Variants in NDUFA10 observed in about 807,000 individuals in gnomAD.
NDUFA10 encodes NADH:ubiquinone oxidoreductase subunit A10.
A neutral mutation model predicts 47.8 loss-of-function variants in NDUFA10; 40 were observed. The observed-to-expected ratio is 0.84, with a 90% CI of 0.65 to 1.09. The LOEUF is 1.09. NDUFA10 is among the 50% of genes least tolerant of loss of function. NDUFA10 has a pLI of 0.00. For synonymous variants in NDUFA10, 183 were observed against 172.2 expected (o/e 1.06, Z -0.49); for missense variants, 413 against 451.1 (o/e 0.92, Z 0.76).
At chr2:239,964,276 AAGG>A (rs978907271) in intron 9 of NDUFA10, among the ~76,000 whole-genome samples, 3 of 152,024 alleles carry the variant, frequency 2.0e-5, no homozygotes, top group African/African-American at 7.2e-5. Context: ...GAAATCAGAG[AAGG>A]AGATGTGACA....
chr2:240,022,665 T>C (rs1196196855), intron 1 of NDUFA10, among the ~76,000 whole-genome samples: 1 of 151,986 alleles, frequency 6.6e-6, no homozygotes, highest in East Asian at 1.9e-4. Context: ...GATGGATGGA[T>C]GGACGGACAG....
intron 9 of NDUFA10, among the ~76,000 whole-genome samples, chr2:239,978,972 T>C (rs918569148): frequency 5.9e-5 from 9 of 152,170 alleles, no homozygotes; most frequent in African/African-American, 2.2e-4. Flanking sequence ...GCTCTTTTCA[T>C]GTGAAAGTTA....
At chr2:239,984,364 G>A (rs561573520) in intron 9 of NDUFA10, among the ~76,000 whole-genome samples, 7 of 152,276 alleles carry the variant, frequency 4.6e-5, no homozygotes, top group African/African-American at 9.6e-5. Context: ...CACTACTACC[G>A]TCACGGTTTT....
At chr2:239,940,523 T>C (rs1351170665) in intron 4 of NDUFA10, among the ~76,000 whole-genome samples, 1 of 152,258 alleles carries the variant, frequency 6.6e-6, no homozygotes, top group Non-Finnish European at 1.5e-5. Context: ...TATTCTTTGA[T>C]AAATTTCTCC....
intron 4 of NDUFA10, among the ~76,000 whole-genome samples, chr2:239,946,348 G>C (rs903739522): frequency 1.3e-5 from 2 of 152,210 alleles, no homozygotes; most frequent in East Asian, 3.9e-4. Flanking sequence ...CCGAAGGGTA[G>C]TGTGTTACTA....
intron 4 of NDUFA10, among the ~76,000 whole-genome samples, chr2:239,903,288 G>A (rs771102203): frequency 4.6e-5 from 7 of 152,226 alleles, no homozygotes; most frequent in African/African-American, 1.7e-4. Context: ...TGTGGCCACA[G>A]AACGTCAGCA....
Position 239,960,733 on chromosome 2 carries a change from G to C in NDUFA10, c.*385C>G. On this transcript the variant is annotated 3_prime_UTR_variant, in exon 10 of 10. Transcript: ENST00000252711. ...CCCGCACGCACATAGACGTACGATG[G>C]GGAAATTCCCATGGAAACACTTTTA... 8.4e-7 allele frequency: 1 copy of C among 1,189,820 alleles called. No homozygotes were observed. The highest frequency in any genetic ancestry group is 1.1e-6 in the Non-Finnish European group (1 of 944,112). 73.7% of individuals were successfully genotyped at this position (1,189,820 alleles called of 1,614,324 possible). A position where few individuals can be genotyped will look rare whatever the true frequency, so the allele number is the denominator to read the frequency against.
intron 4 of NDUFA10, among the ~76,000 whole-genome samples, chr2:239,937,870 C>T (rs894949659): frequency 6.6e-6 from 1 of 152,184 alleles, no homozygotes; most frequent in East Asian, 1.9e-4. Context: ...GGAAGCCCGA[C>T]TTTAATTGTA....
At chr2:239,997,379 T>A (rs1260581820) in intron 8 of NDUFA10, among the ~76,000 whole-genome samples, 1 of 152,152 alleles carries the variant, frequency 6.6e-6, no homozygotes, top group African/African-American at 2.4e-5. Flanking sequence ...AATAAAAATA[T>A]AAATTGAAGT....
chr2:240,014,918 ACACACTC>A, intron 4 of NDUFA10, 58 bp from the exon 5 acceptor site: 1 of 1,611,838 alleles, frequency 6.2e-7, no homozygotes, highest in East Asian at 2.2e-5. Context: ...GGTTTCCAAA[ACACACTC>A]CTCCTTGAAT....
Position 239,959,569 on chromosome 2 carries a change from C to T in NDUFA10, c.*1549G>A, listed in dbSNP as rs559570999. 3.3e-5 allele frequency: 33 copies of T among 985,440 alleles called. No individual in the cohort carries two copies. In the South Asian group the frequency reaches 1.3e-3, roughly 38 times the overall value. The allele number at this position is 985,440 out of a possible 1,614,324, so 61.0% of individuals were successfully genotyped here. A position where few individuals can be genotyped will look rare whatever the true frequency, so the allele number is the denominator to read the frequency against. ...TGCAAAACTTCAGCCACTTAAATCTCGACTCCAATTCAAAACTCCTGGGAA... is the reference window on the plus strand; with the variant it reads ...TGCAAAACTTCAGCCACTTAAATCTTGACTCCAATTCAAAACTCCTGGGAA... On this transcript the variant is annotated 3_prime_UTR_variant, in exon 10 of 10. Transcript: ENST00000252711.
chr2:240,011,551 T>C (rs1486603751), intron 6 of NDUFA10, 66 bp downstream of exon 6: 12 of 1,279,224 alleles, frequency 9.4e-6, no homozygotes, highest in Non-Finnish European at 1.4e-5. Context: ...CCCTGGGCTG[T>C]TGGGGCCTAA....
intron 4 of NDUFA10, among the ~76,000 whole-genome samples, chr2:239,938,954 G>A (rs932946441): frequency 2.6e-5 from 4 of 152,168 alleles, no homozygotes; most frequent in African/African-American, 9.7e-5. Flanking sequence ...AACATTCCTC[G>A]GCGGAAAGAC....
chr2:239,898,891 G>A (rs1011785274), intron 4 of NDUFA10, among the ~76,000 whole-genome samples: 1 of 152,138 alleles, frequency 6.6e-6, no homozygotes, highest in African/African-American at 2.4e-5. Context: ...ACATGTAAAG[G>A]GGTGTGAAGG....
chr2:239,901,342 G>A (rs1292770703), intron 4 of NDUFA10, among the ~76,000 whole-genome samples: 1 of 152,158 alleles, frequency 6.6e-6, no homozygotes, highest in Non-Finnish European at 1.5e-5. Flanking sequence ...CTGGGTGACA[G>A]AGTGAGACCT....
chr2:239,996,277 T>G (rs577630210), intron 8 of NDUFA10, among the ~76,000 whole-genome samples: 2 of 152,110 alleles, frequency 1.3e-5, no homozygotes, highest in East Asian at 3.9e-4. Context: ...CTAATCAAGA[T>G]AGGAAACACT....
At chr2:239,931,866 C>T (rs1027665097) in intron 4 of NDUFA10, among the ~76,000 whole-genome samples, 3 of 119,562 alleles carry the variant, frequency 2.5e-5, no homozygotes, top group African/African-American at 3.3e-5. Context: ...GACGGAGTCT[C>T]GCTCTGTGGC....
rs548021800 is a variant in NDUFA10 at position 240,016,038 on chromosome 2, A to T, written c.548-1178T>A. On this transcript the variant is annotated intron_variant, in intron 4 of 9. Transcript: ENST00000252711. The surrounding 1 kb of genome is among the most constrained non-coding windows in gnomAD (Gnocchi z 4.4). ...CAGTCTCCTAACCTAGTCTCAAAAT[A>T]AATAAATAAAAATTTTAAAAATTAA... 2.6e-5 allele frequency among the ~76,000 whole-genome samples: 4 copies of T among 152,234 alleles called. No individual in the cohort carries two copies. The East Asian group carries it at 7.7e-4, about 29-fold the overall frequency.
intron 4 of NDUFA10, among the ~76,000 whole-genome samples, chr2:239,910,129 A>G (rs1693724285): frequency 6.6e-6 from 1 of 152,236 alleles, no homozygotes; most frequent in African/African-American, 2.4e-5. Context: ...AATGTAAATT[A>G]GTTCAACCAT....
Sources: allele counts gnomAD v4.1 joint callset (sites outside exome capture counted in the v4.1 genomes callset), GRCh38; gene constraint gnomAD v4.1.1; non-coding constraint Gnocchi (gnomAD v3.1); transcripts MANE v1.5; gene names NCBI Gene and HGNC (gene_info 2026-07-23, HGNC 2026-07-21).